The following ZBTB20 variants were observed in gnomAD, a reference collection of about 807,000 sequenced individuals.
ZBTB20 encodes zinc finger and BTB domain-containing protein 20.
A neutral mutation model predicts 56.9 loss-of-function variants in ZBTB20; 9 were observed. The observed-to-expected ratio is 0.16, with a 90% CI of 0.10 to 0.28. The LOEUF (loss-of-function observed/expected upper bound fraction) is 0.28. Among genes scored for constraint, ZBTB20 ranks in the 10% least tolerant of loss-of-function variants. The pLI is 1.00. For missense variants in ZBTB20, 655 were observed against 1,003.0 expected, an observed-to-expected ratio of 0.65 and a Z score of 4.69; for synonymous variants, 417 against 420.7, an observed-to-expected ratio of 0.99 and a Z score of 0.11.
intron 7 of ZBTB20, among the ~76,000 whole-genome samples, chr3:114,490,220 T>G (rs542980623): frequency 1.3e-4 from 20 of 152,222 alleles, no homozygotes; most frequent in East Asian, 1.9e-4. Flanking sequence ...TATATATATT[T>G]ATTGATTGAT....
At chr3:114,509,422 T>TGTGTGTG (rs1553735686) in intron 6 of ZBTB20, among the ~76,000 whole-genome samples, 1 of 149,982 alleles carries the variant, frequency 6.7e-6, no homozygotes, top group Admixed American at 6.7e-5. Flanking sequence ...TGTGTGTGTG[T>TGTGTGTG]GTGGTGGTGG....
chr3:114,452,187 G>C (rs968489705), intron 7 of ZBTB20, among the ~76,000 whole-genome samples: 19 of 152,036 alleles, frequency 1.2e-4, no homozygotes, highest in African/African-American at 4.6e-4. Flanking sequence ...AAGGAAAAAA[G>C]CAAAACCAAA....
chr3:114,914,408 T>C (rs2075664620), intron 3 of ZBTB20, among the ~76,000 whole-genome samples: 1 of 152,082 alleles, frequency 6.6e-6, no homozygotes, highest in African/African-American at 2.4e-5. Context: ...GTCACTGACT[T>C]TTGTATGTTG....
intron 5 of ZBTB20, among the ~76,000 whole-genome samples, chr3:114,736,969 A>G (rs1013241149): frequency 6.6e-6 from 1 of 152,206 alleles, no homozygotes; most frequent in Non-Finnish European, 1.5e-5. Flanking sequence ...GAAAATCTTT[A>G]CCGAGTTTGA....
chr3:114,762,403 C>G lies in ZBTB20; in HGVS notation c.-343+38698G>C, dbSNP rs541925042. On this transcript the variant is annotated intron_variant, in intron 5 of 11. Transcript: ENST00000675478. ...ATTCTTTCTTCTCTCTTGACATTGACTAAGTCCAGCCACCCATAATTCTTG... is the reference window on the plus strand; with the variant it reads ...ATTCTTTCTTCTCTCTTGACATTGAGTAAGTCCAGCCACCCATAATTCTTG... 3.9e-5 allele frequency among the ~76,000 whole-genome samples: 6 copies of G among 152,254 alleles called. No individual in the cohort carries two copies. In the South Asian group the frequency reaches 1.2e-3, roughly 32 times the overall value.
chr3:114,738,076 T>G (rs936366328), intron 5 of ZBTB20, among the ~76,000 whole-genome samples: 3 of 152,102 alleles, frequency 2.0e-5, no homozygotes, highest in Non-Finnish European at 4.4e-5. Flanking sequence ...TAGGTCAATA[T>G]GATAATTTAA....
chr3:114,601,450 C>T (rs1284329241), intron 6 of ZBTB20, among the ~76,000 whole-genome samples: 1 of 152,006 alleles, frequency 6.6e-6, no homozygotes, highest in Non-Finnish European at 1.5e-5. Flanking sequence ...TGCCCATATT[C>T]CCATATCCGT....
At chr3:114,925,717 G>A (rs145254153) in intron 3 of ZBTB20, among the ~76,000 whole-genome samples, 2,374 of 152,078 alleles carry the variant, frequency 0.016, 29 homozygotes, top group African/African-American at 0.03. Context: ...TAGTAGAGAC[G>A]GGGTTTCACC....
intron 7 of ZBTB20, among the ~76,000 whole-genome samples, chr3:114,410,966 G>A (rs2087889006): frequency 6.6e-6 from 1 of 152,076 alleles, no homozygotes; most frequent in Non-Finnish European, 1.5e-5. Flanking sequence ...GTCATCCAGG[G>A]ACACATCGAG....
Position 114,454,511 on chromosome 3 carries a change from T to TA in ZBTB20, c.-255+45840dup, listed in dbSNP as rs754894169. ...CAAAATACATGCTCCCTCGGTCTCC[T>TA]AAAAAAAAAAAAAGGCTTTTCCATC... On this transcript the variant is annotated intron_variant, in intron 7 of 11. Transcript: ENST00000675478. 959 of 126,878 alleles carry TA rather than the reference T, an allele frequency of 7.6e-3. 3 individuals are homozygous for TA. The highest frequency in any genetic ancestry group is 9.8e-3 in the African/African-American group (336 of 34,160). 7.9% of individuals were successfully genotyped at this position (126,878 alleles called of 1,614,324 possible).
At chr3:114,558,026 T>C (rs1224864507) in intron 6 of ZBTB20, among the ~76,000 whole-genome samples, 4 of 152,068 alleles carry the variant, frequency 2.6e-5, no homozygotes, top group Non-Finnish European at 5.9e-5. Context: ...TTTAATTCTA[T>C]TGGGAAACAC....
chr3:114,457,985 G>A (rs2092121819), intron 7 of ZBTB20, among the ~76,000 whole-genome samples: 1 of 152,116 alleles, frequency 6.6e-6, no homozygotes, highest in Non-Finnish European at 1.5e-5. Flanking sequence ...AAAACCACTT[G>A]AGAGAATCTT....
At chr3:114,728,817 T>G (rs973985874) in intron 5 of ZBTB20, among the ~76,000 whole-genome samples, 5 of 152,210 alleles carry the variant, frequency 3.3e-5, no homozygotes, top group Admixed American at 1.3e-4. Flanking sequence ...TAAAAGTCAC[T>G]CAATTTCTCT....
intron 6 of ZBTB20, among the ~76,000 whole-genome samples, chr3:114,614,838 C>T (rs1037784875): frequency 6.6e-6 from 1 of 152,028 alleles, no homozygotes; most frequent in Admixed American, 6.6e-5. Context: ...ACTGCAACCT[C>T]CACCTCCCTC....
chr3:114,913,189 C>T (rs2075612575), intron 3 of ZBTB20, among the ~76,000 whole-genome samples: 1 of 152,014 alleles, frequency 6.6e-6, no homozygotes, highest in Non-Finnish European at 1.5e-5. Context: ...TACTTATTTA[C>T]ATTTCCGCCA....
chr3:115,111,005 AAAATAAAT>A (rs148918475), intron 1 of ZBTB20, among the ~76,000 whole-genome samples: 209 of 144,786 alleles, frequency 1.4e-3, no homozygotes, highest in South Asian at 3.9e-3. Context: ...AATAAAAATA[AAAATAAAT>A]AAATAAATAA....
chr3:115,127,862 G>A (rs1029615230), intron 1 of ZBTB20, among the ~76,000 whole-genome samples: 7 of 152,120 alleles, frequency 4.6e-5, no homozygotes, highest in African/African-American at 7.2e-5. Context: ...AGTTTATGTT[G>A]AAATGAAAGA....
intron 1 of ZBTB20, among the ~76,000 whole-genome samples, chr3:115,119,131 C>T (rs1315111036): frequency 1.3e-5 from 2 of 152,072 alleles, no homozygotes; most frequent in Non-Finnish European, 2.9e-5. Flanking sequence ...TTAGATTATC[C>T]TAGGGCCACC....
chr3:114,685,838 G>A (rs1001606059), intron 6 of ZBTB20, among the ~76,000 whole-genome samples: 3 of 151,976 alleles, frequency 2.0e-5, no homozygotes, highest in African/African-American at 7.3e-5. Context: ...ATAAATAAAT[G>A]AAAAGGAAGA....
Sources: gnomAD v4.1 joint callset for allele counts (sites outside exome capture counted in the v4.1 genomes callset) on GRCh38, gnomAD v4.1.1 for gene constraint, MANE v1.5 for transcripts, NCBI Gene and HGNC (gene_info 2026-07-23, HGNC 2026-07-21) for gene names.